ELK4: variants seen among roughly 807,000 people sequenced by gnomAD.
ELK4 encodes the protein ETS domain-containing protein Elk-4.
ELK4 carries 16 observed loss-of-function variants against 29.6 expected under a neutral mutation model. The observed-to-expected ratio is 0.54, with a 90% CI of 0.37 to 0.82. ELK4 has a LOEUF of 0.82. ELK4 is among the 40% of genes least tolerant of loss of function. ELK4 has a pLI of 0.00. For missense variants in ELK4, 465 were observed against 507.1 expected, an observed-to-expected ratio of 0.92 and a Z score of 0.80; for synonymous variants, 213 against 191.1, an observed-to-expected ratio of 1.11 and a Z score of -0.95.
Position 205,609,776 on chromosome 1 carries a change from T to C in ELK4, c.*6770A>G, listed in dbSNP as rs1437673751. The C allele has an allele frequency of 4.7e-6, 1 of 211,168 alleles. No homozygotes were observed. The highest frequency in any genetic ancestry group is 7.2e-5 in the East Asian group (1 of 13,980). 13.1% of individuals were successfully genotyped at this position (211,168 alleles called of 1,614,324 possible). A position where few individuals can be genotyped will look rare whatever the true frequency, so the allele number is the denominator to read the frequency against. ...TAATCTATCAATTGCAAATTATTTT[T>C]AAAAATCGTAAATTTCTACAAAGCA... On this transcript the variant is annotated 3_prime_UTR_variant, in exon 5 of 5. Transcript: ENST00000357992.
chr1:205,621,290 A>G lies in ELK4; in HGVS notation c.208-452T>C, dbSNP rs1416513225. ...TTACTTAAAACTTTCAAAATCACCTAAATTCATCTAGCCATACCAAACACA... is the reference window on the plus strand; with the variant it reads ...TTACTTAAAACTTTCAAAATCACCTGAATTCATCTAGCCATACCAAACACA... On this transcript the variant is annotated intron_variant, in intron 2 of 4. Transcript: ENST00000357992. Among the ~76,000 whole-genome samples the G allele has an allele frequency of 2.6e-5, 4 of 152,156 alleles. No individual in the cohort carries two copies. The East Asian group carries it at 5.8e-4, about 22-fold the overall frequency.
In ELK4 at chr1:205,610,500, A is replaced by G. The variant is rs563066290; in HGVS notation, c.*6046T>C. On this transcript the variant is annotated 3_prime_UTR_variant, in exon 5 of 5. Transcript: ENST00000357992. ...AGATTTTACACAAAAGCAAACATAA[A>G]TGTAGAAATTTTAAGAAAGGACATC... 12 of 228,522 alleles carry G rather than the reference A, an allele frequency of 5.3e-5. No homozygotes were observed. Among genetic ancestry groups the G allele is most frequent in the Admixed American group, 4.0e-4 (7 of 17,656 alleles). The allele number at this position is 228,522 out of a possible 1,614,324, so 14.2% of individuals were successfully genotyped here.
intron 2 of ELK4, among the ~76,000 whole-genome samples, chr1:205,621,576 G>C (rs778551919): frequency 6.6e-6 from 1 of 152,116 alleles, no homozygotes; most frequent in Non-Finnish European, 1.5e-5. Flanking sequence ...CTGGAGTGCA[G>C]TGGTGTGATC....
chr1:205,608,892 T>A lies in ELK4; in HGVS notation c.*7654A>T, dbSNP rs1301109988. On this transcript the variant is annotated 3_prime_UTR_variant, in exon 5 of 5. Transcript: ENST00000357992. ...ACTAAGACATACACATAAAATAACA[T>A]ATCTCTCCTGTGTTAACACTGATGG... The A allele has an allele frequency of 5.1e-6, 1 of 195,154 alleles. No individual in the cohort carries two copies. Among genetic ancestry groups the A allele is most frequent in the East Asian group, 8.1e-5 (1 of 12,368 alleles). The allele number at this position is 195,154 out of a possible 1,614,324, so 12.1% of individuals were successfully genotyped here.
chr1:205,623,768 C>T lies in ELK4; in HGVS notation c.115G>A (p.Glu39Lys). Residue 39 changes from glutamate to lysine, a missense_variant, in exon 2 of 5, where the codon GAA (glutamate) becomes AAA (lysine). Around this residue, in one of 2 missense-constraint regions of ELK4, gnomAD observed 385 missense variants for 387.5 expected, o/e 0.99. Transcript: ENST00000357992. ...ATCCCCCAGAGACGAGCCACCTCTT[C>T]TGCCTGCAAAAGCTTAAACTGCCCA... ...NDGQFKLLQA[E>K]EVARLWGIRK... The T allele has an allele frequency of 2.5e-6, 4 of 1,614,206 alleles. No homozygotes were observed. Among genetic ancestry groups the T allele is most frequent in the Non-Finnish European group, 3.4e-6 (4 of 1,180,050 alleles).
At chr1:205,619,167 C>T in intron 3 of ELK4, 94 bp from the exon 4 acceptor site, 1 of 1,207,142 alleles carries the variant, frequency 8.3e-7, no homozygotes. Context: ...TAAATATTGC[C>T]CTATCCTCCA....
rs1238221176 is a variant in ELK4 at position 205,615,821 on chromosome 1, C to T, written c.*725G>A. 4.7e-6 allele frequency: 1 copy of T among 211,922 alleles called. No homozygotes were observed. Among genetic ancestry groups the T allele is most frequent in the Non-Finnish European group, 9.5e-6 (1 of 104,720 alleles). 13.1% of individuals were successfully genotyped at this position (211,922 alleles called of 1,614,324 possible). A position where few individuals can be genotyped will look rare whatever the true frequency, so the allele number is the denominator to read the frequency against. ...TAGGTGTTCCAAAAACTGTCTTAAA[C>T]CCCAGGTCTAAAAATCTTTCTATAG... On this transcript the variant is annotated 3_prime_UTR_variant, in exon 5 of 5. Transcript: ENST00000357992.
rs113815128 is a variant in ELK4, at chr1:205,630,679, C to T, written c.-10+953G>A. Among the ~76,000 whole-genome samples the T allele has an allele frequency of 6.5e-3, 983 of 152,324 alleles. 9 individuals carry two copies. The highest frequency in any genetic ancestry group is 0.023 in the African/African-American group (942 of 41,560). ...TTACAATAAAACTTAAAGACACTAC[C>T]TCACTAGGAATGAACAGATTCCACT... On this transcript the variant is annotated intron_variant, in intron 1 of 4. Coordinates refer to ENST00000357992, the MANE Select transcript of ELK4 (RefSeq NM_001973.4).
chr1:205,628,258 C>T (rs1670505426), intron 1 of ELK4, among the ~76,000 whole-genome samples: 1 of 152,184 alleles, frequency 6.6e-6, no homozygotes, highest in African/African-American at 2.4e-5. Context: ...ACCTGACAGG[C>T]CTTTCTTCTG....
intron 1 of ELK4, among the ~76,000 whole-genome samples, chr1:205,628,417 A>G (rs1670507677): frequency 6.6e-6 from 1 of 152,256 alleles, no homozygotes; most frequent in Admixed American, 6.5e-5. Context: ...TCACCTTCAT[A>G]TAAGACTGCT....
In ELK4 at chr1:205,620,124, G is replaced by C. The variant is rs756004177; in HGVS notation, c.922C>G (p.Leu308Val). ...GAATTATTTACTTTGTCCTTTTCTA[G>C]CAAGACTGAATCCTGGTCTTTAGGC... is the stretch of plus-strand genomic sequence containing the variant. ...LEPKDQDSVL[L>V]EKDKVNNSSR... The change falls in exon 3 of 5, where the codon CTA (leucine) becomes GTA (valine). Residue 308 changes from leucine (L) to valine (V), a missense_variant. Leu to Val is a conservative substitution (Grantham distance 32). Transcript: ENST00000357992. The C allele has an allele frequency of 1.2e-6, 2 of 1,614,230 alleles. No individual in the cohort carries two copies. The highest frequency in any genetic ancestry group is 1.7e-6 in the Non-Finnish European group (2 of 1,180,042).
chr1:205,611,781 GT>G lies in ELK4; in HGVS notation c.*4764del, dbSNP rs1248601803. 1 of 194,450 alleles carries G rather than the reference GT, an allele frequency of 5.1e-6. No individual in the cohort carries two copies. Among genetic ancestry groups the G allele is most frequent in the East Asian group, 8.1e-5 (1 of 12,362 alleles). The allele number at this position is 194,450 out of a possible 1,614,324, so 12.0% of individuals were successfully genotyped here. A position where few individuals can be genotyped will look rare whatever the true frequency, so the allele number is the denominator to read the frequency against. ...GAGACCTGCATTGGTCTCCAAACTT[GT>G]TTTCATACCTAAGAATGGCACCTAA... On this transcript the variant is annotated 3_prime_UTR_variant, in exon 5 of 5. Coordinates refer to ENST00000357992, the MANE Select transcript of ELK4 (RefSeq NM_001973.4).
chr1:205,626,258 C>T (rs1670459018), intron 1 of ELK4: 1 of 462,724 alleles, frequency 2.2e-6, no homozygotes, highest in South Asian at 2.0e-5. Flanking sequence ...TTATTCAGGA[C>T]CGGCACTTCT....
At chr1:205,625,344 T>C (rs1670432086) in intron 1 of ELK4, 1 of 305,582 alleles carries the variant, frequency 3.3e-6, no homozygotes, top group Non-Finnish European at 6.2e-6. Flanking sequence ...AAAGAAGATA[T>C]ACAAATAGCC....
chr1:205,622,779 T>C (rs1400608167), intron 2 of ELK4, among the ~76,000 whole-genome samples: 3 of 151,816 alleles, frequency 2.0e-5, no homozygotes, highest in African/African-American at 7.3e-5. Flanking sequence ...TCTGTACATA[T>C]TTTTTCTTTT....
intron 2 of ELK4, among the ~76,000 whole-genome samples, chr1:205,623,288 T>C (rs1163573533): frequency 6.6e-6 from 1 of 151,240 alleles, no homozygotes; most frequent in Non-Finnish European, 1.5e-5. Flanking sequence ...TTGGTATCTA[T>C]AACCTCAACA....
intron 1 of ELK4, among the ~76,000 whole-genome samples, chr1:205,629,497 G>A (rs1435716112): frequency 6.6e-6 from 1 of 152,080 alleles, no homozygotes; most frequent in African/African-American, 2.4e-5. Context: ...AGACCAAATC[G>A]CTTGAGGTCA....
intron 1 of ELK4, chr1:205,626,294 C>A: frequency 7.8e-6 from 3 of 387,018 alleles, no homozygotes; most frequent in Non-Finnish European, 1.5e-5. Flanking sequence ...TCTTTCCAGC[C>A]TCTCTTAGGA....
At chr1:205,625,566 C>G in intron 1 of ELK4, 1 of 894,152 alleles carries the variant, frequency 1.1e-6, no homozygotes, top group South Asian at 1.3e-5. Flanking sequence ...ATACCCGGAC[C>G]GGGTGCCGGT....
Sources: gnomAD v4.1 joint callset for allele counts (sites outside exome capture counted in the v4.1 genomes callset) on GRCh38, gnomAD v4.1.1 for gene constraint, gnomAD v4.1.1 regional missense constraint, MANE v1.5 for transcripts, NCBI Gene and HGNC (gene_info 2026-07-23, HGNC 2026-07-21) for gene names.